The following NUP107 variants were observed in gnomAD, a reference collection of about 807,000 sequenced individuals.
NUP107 encodes the protein nuclear pore complex protein Nup107.
In NUP107, 101 loss-of-function variants were observed where a neutral mutation model predicts 141.0. That is an observed-to-expected ratio of 0.72 (90% CI 0.61 to 0.84). The LOEUF is 0.84. Ranked by LOEUF, NUP107 falls within the 40% of genes least tolerant of loss-of-function variation. The pLI is 0.00. For synonymous variants in NUP107, 319 were observed against 363.9 expected, an observed-to-expected ratio of 0.88 and a Z score of 1.41; for missense variants, 941 against 1,102.7, an observed-to-expected ratio of 0.85 and a Z score of 2.08.
In NUP107 at chr12:68,721,926, A is replaced by G; in HGVS notation, c.1397A>G (p.Gln466Arg). Reference sequence around the variant, plus strand: ...GACAGTCTGGTAGAACAGGAGATCCAGACATCAGTAGCAACTCTGGATGAA... The same window carrying G: ...GACAGTCTGGTAGAACAGGAGATCCGGACATCAGTAGCAACTCTGGATGAA... Reference protein sequence around the residue: ...MVDSLVEQEIQTSVATLDETE... With the variant: ...MVDSLVEQEIRTSVATLDETE... Residue 466 changes from glutamine (Q) to arginine (R), a missense_variant, in exon 16 of 28, where the codon CAG becomes CGG. Physicochemically the swap from Gln to Arg is conservative, Grantham distance 43. Transcript: ENST00000229179. 4 of 1,614,158 alleles carry G rather than the reference A, an allele frequency of 2.5e-6. No individual in the cohort carries two copies. Among genetic ancestry groups the G allele is most frequent in the Non-Finnish European group, 3.4e-6 (4 of 1,179,994 alleles).
At chr12:68,727,626 A>C (rs1214607105) in intron 20 of NUP107, among the ~76,000 whole-genome samples, 1 of 152,194 alleles carries the variant, frequency 6.6e-6, no homozygotes, top group Non-Finnish European at 1.5e-5. Flanking sequence ...AACTACTGAT[A>C]CCCTACTGCT....
intron 8 of NUP107, among the ~76,000 whole-genome samples, chr12:68,703,576 G>A (rs1876440648): frequency 6.6e-6 from 1 of 151,416 alleles, no homozygotes; most frequent in Admixed American, 6.6e-5. Context: ...TCAGCCTCCC[G>A]AGTAGCTGGG....
chr12:68,688,940 A>C, intron 1 of NUP107, 22 bp from the exon 2 acceptor site: 1 of 1,558,722 alleles, frequency 6.4e-7, no homozygotes, highest in Non-Finnish European at 8.8e-7. Flanking sequence ...TCACTTATAT[A>C]AGCTTGATTA....
At position 68,691,788 on chromosome 12, in the gene NUP107, C is replaced by T. The variant is rs1385904078; in HGVS notation, c.304-180C>T. 4.6e-5 allele frequency among the ~76,000 whole-genome samples: 7 copies of T among 150,686 alleles called. No individual in the cohort carries two copies. In the East Asian group the frequency reaches 5.8e-4, roughly 13 times the overall value. ...GGCAAAGGTTGCGTTGAGCCATGAT[C>T]GTGCCACTGAACTCCAGCCTGGGCA... On this transcript the variant is annotated intron_variant, in intron 4 of 27. Coordinates refer to ENST00000229179, the MANE Select transcript of NUP107 (RefSeq NM_020401.4).
intron 8 of NUP107, among the ~76,000 whole-genome samples, chr12:68,703,099 G>A (rs1255703723): frequency 1.3e-5 from 2 of 152,142 alleles, no homozygotes; most frequent in Non-Finnish European, 2.9e-5. Flanking sequence ...ACCCACCTTG[G>A]CCGCCCAAAG....
At chr12:68,697,000 A>T in intron 6 of NUP107, 78 bp downstream of exon 6, 1 of 859,790 alleles carries the variant, frequency 1.2e-6, no homozygotes, top group Non-Finnish European at 1.9e-6. Context: ...TAATTTTCAT[A>T]GTGTTTAAGG....
chr12:68,718,343 G>A (rs548028800), intron 12 of NUP107, among the ~76,000 whole-genome samples: 34 of 152,196 alleles, frequency 2.2e-4, no homozygotes, highest in African/African-American at 8.2e-4. Flanking sequence ...AGCCAAGAAT[G>A]GGGAAAAGGT....
At chr12:68,727,723 T>A (rs954485217) in intron 20 of NUP107, among the ~76,000 whole-genome samples, 1 of 152,188 alleles carries the variant, frequency 6.6e-6, no homozygotes, top group East Asian at 1.9e-4. Context: ...CTCAGTATAC[T>A]TGGGGGATTG....
chr12:68,717,663 G>A (rs956033020), intron 12 of NUP107, among the ~76,000 whole-genome samples: 25 of 151,996 alleles, frequency 1.6e-4, no homozygotes, highest in African/African-American at 5.8e-4. Flanking sequence ...ATGCAGTAAC[G>A]CCTCATTCTC....
intron 20 of NUP107, among the ~76,000 whole-genome samples, chr12:68,730,637 T>C (rs1409320138): frequency 6.6e-6 from 1 of 152,160 alleles, no homozygotes; most frequent in Non-Finnish European, 1.5e-5. Flanking sequence ...ACCTGTGCAG[T>C]TTAAGAGCCA....
chr12:68,691,931 A>G (rs1281127114), intron 4 of NUP107, 37 bp from the exon 5 acceptor site: 7 of 1,535,708 alleles, frequency 4.6e-6, no homozygotes, highest in Non-Finnish European at 6.1e-6. Context: ...TAACTCCATC[A>G]CTTTTCTGTA....
Position 68,737,560 on chromosome 12 carries a change from C to CAA in NUP107, c.2502+2237_2502+2238dup, listed in dbSNP as rs757208798. ...TAGGTGACAGAGTGAGACCCTGTCT[C>CAA]AAAAAAAAAAAAAAAAAAAAAATGG... is the stretch of plus-strand genomic sequence containing the variant. On this transcript the variant is annotated intron_variant, in intron 26 of 27. Coordinates refer to ENST00000229179, the MANE Select transcript of NUP107 (RefSeq NM_020401.4). Among the ~76,000 whole-genome samples, 385 of 71,866 alleles carry CAA rather than the reference C, an allele frequency of 5.4e-3. 28 individuals carry two copies. The highest frequency in any genetic ancestry group is 0.015 in the African/African-American group (270 of 18,334). The allele number at this position is 71,866 out of a possible 152,430, so 47.1% of individuals were successfully genotyped here. A position where few individuals can be genotyped will look rare whatever the true frequency, so the allele number is the denominator to read the frequency against.
At chr12:68,713,545 A>C (rs1387605294) in intron 10 of NUP107, among the ~76,000 whole-genome samples, 185 bp from the exon 11 acceptor site, 1 of 152,196 alleles carries the variant, frequency 6.6e-6, no homozygotes, top group Non-Finnish European at 1.5e-5. Context: ...ATGGCCAATA[A>C]GGACATGAAA....
At chr12:68,697,799 G>T (rs1199689132) in intron 6 of NUP107, among the ~76,000 whole-genome samples, 24 of 152,032 alleles carry the variant, frequency 1.6e-4, no homozygotes, top group Admixed American at 1.6e-3. Context: ...GGAGGCCGAG[G>T]TGGGTGGATC....
chr12:68,720,622 G>A (rs1877312990), intron 14 of NUP107, among the ~76,000 whole-genome samples: 1 of 152,148 alleles, frequency 6.6e-6, no homozygotes, highest in Non-Finnish European at 1.5e-5. Flanking sequence ...CTCTTGTTTG[G>A]ATGATAAGAA....
chr12:68,704,612 C>A (rs1373162637), intron 8 of NUP107, among the ~76,000 whole-genome samples: 4 of 151,864 alleles, frequency 2.6e-5, no homozygotes, highest in Non-Finnish European at 5.9e-5. Flanking sequence ...CACCACCACA[C>A]CCGGCTAATT....
intron 14 of NUP107, among the ~76,000 whole-genome samples, chr12:68,720,597 A>G (rs909770634): frequency 6.6e-6 from 1 of 152,220 alleles, no homozygotes; most frequent in Non-Finnish European, 1.5e-5. Context: ...GTTATGCAGT[A>G]AGAGTCTCTG....
chr12:68,736,451 C>T (rs932704485), intron 26 of NUP107, among the ~76,000 whole-genome samples: 2 of 152,128 alleles, frequency 1.3e-5, no homozygotes, highest in Non-Finnish European at 2.9e-5. Flanking sequence ...AGGTCTTGCT[C>T]TATCACCCAG....
At chr12:68,697,550 G>A (rs1397007752) in intron 6 of NUP107, among the ~76,000 whole-genome samples, 1 of 152,084 alleles carries the variant, frequency 6.6e-6, no homozygotes, top group African/African-American at 2.4e-5. Context: ...TGGATTGACA[G>A]ATACAGCAAA....
Sources: gnomAD v4.1 joint callset for allele counts (sites outside exome capture counted in the v4.1 genomes callset) on GRCh38, gnomAD v4.1.1 for gene constraint, MANE v1.5 for transcripts, NCBI Gene and HGNC (gene_info 2026-07-23, HGNC 2026-07-21) for gene names.